The following IRGM variants were observed in gnomAD, a reference collection of about 807,000 sequenced individuals.
The protein encoded by IRGM is immunity related GTPase M.
For synonymous variants in IRGM, 98 were observed against 80.6 expected (o/e 1.22, Z -1.16); for missense variants, 288 against 219.9 (o/e 1.31, Z -1.96).
intron 3 of IRGM, among the ~76,000 whole-genome samples, chr5:150,887,001 G>C (rs1754535574): frequency 6.6e-6 from 1 of 151,926 alleles, no homozygotes; most frequent in Admixed American, 6.6e-5. Context: ...ATGTTAGGTT[G>C]TTAATTTGAG....
chr5:150,885,120 A>G (rs780106311), intron 3 of IRGM, among the ~76,000 whole-genome samples: 13 of 152,034 alleles, frequency 8.6e-5, no homozygotes, highest in Non-Finnish European at 1.6e-4. Context: ...TTCAGCTTCA[A>G]TCTTCTTTAT....
downstream of IRGM, among the ~76,000 whole-genome samples, chr5:150,850,676 C>A (rs1206634364): frequency 6.6e-6 from 1 of 152,176 alleles, no homozygotes; most frequent in East Asian, 1.9e-4. Context: ...GCCTCAGCCT[C>A]CTGAGTAGCT....
intron 1 of IRGM, among the ~76,000 whole-genome samples, chr5:150,859,504 A>G (rs558430052): frequency 6.6e-6 from 1 of 152,336 alleles, no homozygotes; most frequent in East Asian, 1.9e-4. Context: ...AAGGAATGGT[A>G]CCAGCTCCTC....
At chr5:150,856,423 G>A (rs1012942634) in intron 1 of IRGM, among the ~76,000 whole-genome samples, 6 of 151,800 alleles carry the variant, frequency 4.0e-5, no homozygotes, top group South Asian at 2.1e-4. Flanking sequence ...AGAGCGAGAC[G>A]TTGTCTCAAA....
At chr5:150,876,597 G>A (rs1315967154) in intron 1 of IRGM, among the ~76,000 whole-genome samples, 1 of 152,152 alleles carries the variant, frequency 6.6e-6, no homozygotes, top group Non-Finnish European at 1.5e-5. Context: ...GAGTATGTGT[G>A]GAATACAGGA....
At chr5:150,887,427 AG>A (rs1266445338) in intron 3 of IRGM, among the ~76,000 whole-genome samples, 1 of 152,084 alleles carries the variant, frequency 6.6e-6, no homozygotes, top group Non-Finnish European at 1.5e-5. Flanking sequence ...AAAACCTCCA[AG>A]AAGTATGGAG....
At chr5:150,887,271 CACAAT>C (rs1168937397) in intron 3 of IRGM, among the ~76,000 whole-genome samples, 1 of 151,894 alleles carries the variant, frequency 6.6e-6, no homozygotes, top group African/African-American at 2.4e-5. Flanking sequence ...AGCTGAATAA[CACAAT>C]ACAAGAATTT....
intron 3 of IRGM, among the ~76,000 whole-genome samples, chr5:150,888,980 AT>A (rs1336284153): frequency 6.6e-6 from 1 of 152,042 alleles, no homozygotes; most frequent in Non-Finnish European, 1.5e-5. Context: ...ATTGTCACAT[AT>A]TTTATTATGT....
downstream of IRGM, chr5:150,900,775 G>T (rs1754969543): frequency 6.6e-6 from 1 of 151,758 alleles, no homozygotes; most frequent in Admixed American, 6.6e-5. Context: ...TTTATCTGAA[G>T]AAAAGTAACA....
At chr5:150,866,325 C>T (rs1174928534) in intron 1 of IRGM, among the ~76,000 whole-genome samples, 1 of 152,120 alleles carries the variant, frequency 6.6e-6, no homozygotes, top group East Asian at 1.9e-4. Flanking sequence ...TGGGAGTGAC[C>T]ACATTTAGGG....
rs1671770411 is a variant in IRGM, at chr5:150,848,419, C to A, written c.296C>A (p.Thr99Lys). 1 of 1,551,848 alleles carries A rather than the reference C, an allele frequency of 6.4e-7. No homozygotes were observed. The highest frequency in any genetic ancestry group is 8.7e-7 in the Non-Finnish European group (1 of 1,146,972). Residue 99 changes from threonine to lysine, a missense_variant, in exon 2 of 2, where the codon ACA becomes AAA. Coordinates refer to ENST00000522154, the MANE Select transcript of IRGM (RefSeq NM_001145805.2). ...CTGCCTGGCACAGGGTCTGCCACCA[C>A]AACCCTGGAGAACTACCTGATGGAA... ...WDLPGTGSAT[T>K]TLENYLMEMQ...
At chr5:150,867,375 A>G (rs1150153) in intron 1 of IRGM, among the ~76,000 whole-genome samples, 1,719 of 151,952 alleles carry the variant, frequency 0.011, 17 homozygotes, top group Non-Finnish European at 0.019. Flanking sequence ...TACACCACCC[A>G]TTGATTGATG....
At chr5:150,898,657 G>A (rs1754886255) in intron 3 of IRGM, 2 of 1,321,108 alleles carry the variant, frequency 1.5e-6, no homozygotes, top group Non-Finnish European at 2.0e-6. Flanking sequence ...ATAGTTTTTG[G>A]GAAAAACAAA....
chr5:150,888,037 G>A (rs984305992), intron 3 of IRGM, among the ~76,000 whole-genome samples: 2 of 151,938 alleles, frequency 1.3e-5, no homozygotes, highest in Admixed American at 6.6e-5. Flanking sequence ...CAATGGTATG[G>A]TGTCTTCAAG....
chr5:150,891,393 CT>C (rs935393259), intron 3 of IRGM, among the ~76,000 whole-genome samples: 14 of 151,984 alleles, frequency 9.2e-5, no homozygotes, highest in African/African-American at 3.4e-4. Context: ...ATCTCTTCCC[CT>C]AATTGGTGTC....
At chr5:150,879,968 C>T (rs1258779141) in intron 3 of IRGM, among the ~76,000 whole-genome samples, 1 of 152,126 alleles carries the variant, frequency 6.6e-6, no homozygotes, top group Non-Finnish European at 1.5e-5. Context: ...CAGGCAAGAC[C>T]TAAGACTAGT....
At chr5:150,898,305 A>T in intron 3 of IRGM, 1 of 1,584,664 alleles carries the variant, frequency 6.3e-7, no homozygotes, top group Non-Finnish European at 8.6e-7. Context: ...CATAACCTCC[A>T]TTTGCAAAGG....
intron 3 of IRGM, among the ~76,000 whole-genome samples, chr5:150,881,115 G>T (rs534773724): frequency 7.1e-6 from 1 of 140,912 alleles, no homozygotes; most frequent in South Asian, 2.2e-4. Context: ...TGACAAAAGC[G>T]AAACTCCATA....
At chr5:150,862,453 C>T (rs1217860861) in intron 1 of IRGM, among the ~76,000 whole-genome samples, 2 of 152,156 alleles carry the variant, frequency 1.3e-5, no homozygotes, top group Admixed American at 6.5e-5. Flanking sequence ...CCAGCCTCCT[C>T]ATTGAGAGAC....
Sources: gnomAD v4.1 joint callset for allele counts (sites outside exome capture counted in the v4.1 genomes callset) on GRCh38, gnomAD v4.1.1 for gene constraint, MANE v1.5 for transcripts, NCBI Gene and HGNC (gene_info 2026-07-23, HGNC 2026-07-21) for gene names.